Variants in ATP10A observed in about 807,000 individuals in gnomAD.
ATP10A encodes phospholipid-transporting ATPase VA.
In ATP10A, 111 loss-of-function variants were observed where a neutral mutation model predicts 147.8. That is an observed-to-expected ratio of 0.75 (90% CI 0.64 to 0.88). ATP10A has a LOEUF of 0.88. Among genes scored for constraint, ATP10A ranks in the 40% least tolerant of loss-of-function variants. The pLI is 0.00. For missense variants in ATP10A, 1,927 were observed against 1,959.0 expected (o/e 0.98, Z 0.31); for synonymous variants, 875 against 841.6 (o/e 1.04, Z -0.69).
At chr15:25,843,513 C>A (rs1241922010) in intron 1 of ATP10A, among the ~76,000 whole-genome samples, 1 of 152,118 alleles carries the variant, frequency 6.6e-6, no homozygotes, top group Non-Finnish European at 1.5e-5. Flanking sequence ...AAGAGTTACT[C>A]CTCTCTGTGC....
intron 1 of ATP10A, among the ~76,000 whole-genome samples, chr15:25,801,861 G>A (rs935257): frequency 0.92 from 139,175 of 151,920 alleles, 64,161 homozygotes; most frequent in Middle Eastern, 0.97. Flanking sequence ...CTCCCCAGTT[G>A]CTGACTCGTT....
chr15:25,814,574 T>C (rs1891569601), intron 1 of ATP10A, among the ~76,000 whole-genome samples: 1 of 152,220 alleles, frequency 6.6e-6, no homozygotes, highest in African/African-American at 2.4e-5. Context: ...GACAGGAACC[T>C]CATCTTCCTC....
chr15:25,785,587 G>T (rs1190238696), intron 1 of ATP10A, among the ~76,000 whole-genome samples: 2 of 152,228 alleles, frequency 1.3e-5, no homozygotes, highest in African/African-American at 2.4e-5. Flanking sequence ...GCAGGCAGAA[G>T]CAGTGAGTGG....
At chr15:25,775,740 C>A (rs1889574211) in intron 2 of ATP10A, among the ~76,000 whole-genome samples, 1 of 152,232 alleles carries the variant, frequency 6.6e-6, no homozygotes, top group Non-Finnish European at 1.5e-5. Context: ...ACCCAAGAGA[C>A]AAACTGTTGG....
At position 25,679,555 on chromosome 15, in the gene ATP10A, A is replaced by C; in HGVS notation, c.4286T>G (p.Leu1429Arg). The C allele has an allele frequency of 6.2e-7, 1 of 1,612,154 alleles. No homozygotes were observed. Among genetic ancestry groups the C allele is most frequent in the Non-Finnish European group, 8.5e-7 (1 of 1,178,528 alleles). ...TAAGCTGAAGGTAGGCAGGCTGAAG[A>C]GGGAAGACAGGGGGGTCACCCTGCC... Reference protein sequence around the residue: ...STGRVTPLSSLFSLPTFSLLN... With the variant: ...STGRVTPLSSRFSLPTFSLLN... The change falls in exon 21 of 21, where the codon CTC (leucine) becomes CGC (arginine). Residue 1429 changes from leucine (L) to arginine (R), a missense_variant. Leu to Arg is a moderately radical substitution (Grantham distance 102). Transcript: ENST00000555815.
At position 25,728,105 on chromosome 15, in the gene ATP10A, C is replaced by A. The variant is rs114149149; in HGVS notation, c.741-839G>T. Reference sequence around the variant, plus strand: ...AAGGGAGTGCCTTCCGAGAGGCTACCTTTTCACACCCACACCCCCTCTCCG... The same window carrying A: ...AAGGGAGTGCCTTCCGAGAGGCTACATTTTCACACCCACACCCCCTCTCCG... On this transcript the variant is annotated intron_variant, in intron 3 of 20. Transcript: ENST00000555815. 3.8e-3 allele frequency among the ~76,000 whole-genome samples: 578 copies of A among 152,294 alleles called. 5 individuals are homozygous for A. The highest frequency in any genetic ancestry group is 0.013 in the African/African-American group (526 of 41,568).
chr15:25,705,844 T>C (rs1200668349), intron 12 of ATP10A, among the ~76,000 whole-genome samples: 2 of 152,312 alleles, frequency 1.3e-5, no homozygotes, highest in African/African-American at 2.4e-5. Flanking sequence ...TCAAAATGTA[T>C]CCATGAGCTC....
Position 25,830,849 on chromosome 15 carries a change from T to C in ATP10A, c.449+31799A>G, listed in dbSNP as rs187740413. ...GCACTTACCTGCTCCTGGGAATCAC[T>C]GTTTCAAACCTAAGGACTTCATTTC... On this transcript the variant is annotated intron_variant, in intron 1 of 20. Transcript: ENST00000555815. Among the ~76,000 whole-genome samples, 13 of 152,316 alleles carry C rather than the reference T, an allele frequency of 8.5e-5. No homozygotes were observed. In the East Asian group the frequency reaches 2.3e-3, roughly 27 times the overall value.
intron 1 of ATP10A, 94 bp from the exon 2 acceptor site, chr15:25,781,317 CT>C (rs1292542911): frequency 9.2e-7 from 1 of 1,088,246 alleles, no homozygotes; most frequent in African/African-American, 1.6e-5. Flanking sequence ...GCAATTCTTT[CT>C]ACATTTGCAT....
intron 1 of ATP10A, among the ~76,000 whole-genome samples, chr15:25,837,485 G>A (rs1051567031): frequency 3.3e-5 from 5 of 152,252 alleles, no homozygotes; most frequent in Middle Eastern, 3.4e-3. Flanking sequence ...GGAGGCTCCC[G>A]GCGCAGGGAG....
chr15:25,840,517 C>T (rs1003237464), intron 1 of ATP10A, among the ~76,000 whole-genome samples: 1 of 152,040 alleles, frequency 6.6e-6, no homozygotes, highest in African/African-American at 2.4e-5. Flanking sequence ...AGTATTCCAC[C>T]GTATGGAGGG....
intron 3 of ATP10A, 119 bp from the exon 4 acceptor site, chr15:25,727,385 TGGACTGG>T (rs1289445247): frequency 1.9e-5 from 17 of 918,544 alleles, no homozygotes; most frequent in Non-Finnish European, 2.9e-5. Context: ...CGCTGGGATC[TGGACTGG>T]GAAGGGTACA....
Position 25,713,746 on chromosome 15 carries a change from T to C in ATP10A, c.2272A>G (p.Thr758Ala). Reference sequence around the variant, plus strand: ...TTGGTGTAGACGTTGATCTCATCGGTAAGCGGGTGCCGGATCACCACTGAC... The same window carrying C: ...TTGGTGTAGACGTTGATCTCATCGGCAAGCGGGTGCCGGATCACCACTGAC... ...RMSVVIRHPL[T>A]DEINVYTKGA... The change falls in exon 10 of 21, where the codon ACC (threonine) becomes GCC (alanine). Residue 758 changes from threonine (T) to alanine (A), a missense_variant. Physicochemically the swap from Thr to Ala is moderately conservative, Grantham distance 58. Transcript: ENST00000555815. The C allele has an allele frequency of 6.2e-7, 1 of 1,614,094 alleles. No homozygotes were observed. The highest frequency in any genetic ancestry group is 8.5e-7 in the Non-Finnish European group (1 of 1,180,004).
intron 1 of ATP10A, among the ~76,000 whole-genome samples, chr15:25,799,452 C>A (rs1890835405): frequency 6.6e-6 from 1 of 152,118 alleles, no homozygotes; most frequent in African/African-American, 2.4e-5. Flanking sequence ...GGCCCAAGCA[C>A]CCTAAACTCA....
intron 1 of ATP10A, among the ~76,000 whole-genome samples, chr15:25,854,768 A>G (rs1440699092): frequency 6.6e-6 from 1 of 152,192 alleles, no homozygotes; most frequent in East Asian, 1.9e-4. Context: ...CTTCCAAAAA[A>G]GAAAACAGGC....
At chr15:25,743,292 C>A (rs940655320) in intron 2 of ATP10A, among the ~76,000 whole-genome samples, 2 of 152,174 alleles carry the variant, frequency 1.3e-5, no homozygotes, top group African/African-American at 4.8e-5. Flanking sequence ...ATGTGAAATT[C>A]TAAAGCACAA....
chr15:25,835,842 C>G (rs894352230), intron 1 of ATP10A, among the ~76,000 whole-genome samples: 4 of 152,270 alleles, frequency 2.6e-5, no homozygotes, highest in Admixed American at 2.6e-4. Context: ...GAGACGGAGT[C>G]TCACTCTGTC....
At chr15:25,735,279 C>T (rs1009841778) in intron 3 of ATP10A, among the ~76,000 whole-genome samples, 1 of 152,190 alleles carries the variant, frequency 6.6e-6, no homozygotes, top group Admixed American at 6.5e-5. Flanking sequence ...CCCTGGCAGG[C>T]CACTCAGCAA....
At chr15:25,820,377 A>C (rs932533349) in intron 1 of ATP10A, among the ~76,000 whole-genome samples, 7 of 152,216 alleles carry the variant, frequency 4.6e-5, no homozygotes, top group Non-Finnish European at 1.0e-4. Context: ...AGACTTAAAA[A>C]GGAAAACTGG....
Sources: gnomAD v4.1 joint callset for allele counts (sites outside exome capture counted in the v4.1 genomes callset) on GRCh38, gnomAD v4.1.1 for gene constraint, MANE v1.5 for transcripts, NCBI Gene and HGNC (gene_info 2026-07-23, HGNC 2026-07-21) for gene names.